ULBP2: variants seen among roughly 807,000 people sequenced by gnomAD.
ULBP2 encodes UL16-binding protein 2.
Under a neutral mutation model 23.6 loss-of-function variants are expected in ULBP2, and 21 were observed. The observed-to-expected ratio is 0.89, with a 90% CI of 0.63 to 1.28. The LOEUF is 1.28. Among genes scored for constraint, ULBP2 ranks in the 50% most tolerant of loss-of-function variants. The probability of loss-of-function intolerance (pLI) is 0.00; values close to 1 mark genes in which losing one functional copy is unlikely to be tolerated. For synonymous variants in ULBP2, 82 were observed against 112.8 expected (o/e 0.73, Z 1.73); for missense variants, 251 against 306.0 (o/e 0.82, Z 1.34).
chr6:149,946,351 A>G (rs1323849445), intron 2 of ULBP2, 21 bp from the exon 3 acceptor site: 3 of 1,604,506 alleles, frequency 1.9e-6, no homozygotes, highest in Non-Finnish European at 2.6e-6. Context: ...ATCAGAGCTG[A>G]TCTCTCTCTG....
chr6:149,942,900 G>A (rs1778884918), intron 1 of ULBP2, among the ~76,000 whole-genome samples: 1 of 152,140 alleles, frequency 6.6e-6, no homozygotes. Flanking sequence ...TGTGCAGGGG[G>A]GATGGGAAGC....
chr6:149,948,210 GT>G (rs1456905962), intron 4 of ULBP2, among the ~76,000 whole-genome samples: 2 of 152,094 alleles, frequency 1.3e-5, no homozygotes, highest in Non-Finnish European at 2.9e-5. Flanking sequence ...TGCTGCTGGG[GT>G]TCCACAGGCA....
intron 1 of ULBP2, among the ~76,000 whole-genome samples, chr6:149,942,429 G>A (rs1262477743): frequency 1.3e-5 from 2 of 152,240 alleles, no homozygotes; most frequent in East Asian, 3.9e-4. Context: ...GGTGGGGCGG[G>A]GATCCCTGGT....
chr6:149,943,588 C>T (rs1317793626), intron 1 of ULBP2, among the ~76,000 whole-genome samples: 1 of 152,188 alleles, frequency 6.6e-6, no homozygotes, highest in African/African-American at 2.4e-5. Context: ...GGCCTAACTT[C>T]CTAATGACCT....
At position 149,947,092 on chromosome 6, in the gene ULBP2, G is replaced by A. The variant is rs548682166; in HGVS notation, c.632-228G>A. ...CTCTTCCCCCACAGCAGGAGGGTGG[G>A]GTGTGTTGTCACCTTGCTTCCCTCA... On this transcript the variant is annotated intron_variant, in intron 3 of 4. Coordinates refer to ENST00000367351, the MANE Select transcript of ULBP2 (RefSeq NM_025217.4). 9.2e-3 allele frequency among the ~76,000 whole-genome samples: 1,404 copies of A among 152,016 alleles called. 11 individuals are homozygous for A. Among genetic ancestry groups the A allele is most frequent in the Non-Finnish European group, 0.015 (986 of 67,992 alleles).
intron 1 of ULBP2, among the ~76,000 whole-genome samples, chr6:149,943,769 G>A (rs1262533355): frequency 5.3e-5 from 8 of 151,980 alleles, no homozygotes; most frequent in Non-Finnish European, 1.2e-4. Context: ...TTAATGTTGC[G>A]ATTTCCTTGC....
In ULBP2 at chr6:149,945,438, C is replaced by T. The variant is rs779108037; in HGVS notation, c.215C>T (p.Thr72Ile). Reference protein sequence around the residue: ...LHYDCGNKTVTPVSPLGKKLN... With the variant: ...LHYDCGNKTVIPVSPLGKKLN... ...TATGACTGTGGCAACAAGACAGTCA[C>T]ACCTGTCAGTCCCCTGGGGAAGAAA... Residue 72 changes from threonine (T) to isoleucine (I), a missense_variant, in exon 2 of 5, where the codon ACA (threonine) becomes ATA (isoleucine). Transcript: ENST00000367351. The T allele has an allele frequency of 1.9e-6, 3 of 1,613,976 alleles. No homozygotes were observed. Among genetic ancestry groups the T allele is most frequent in the South Asian group, 1.1e-5 (1 of 91,080 alleles).
At chr6:149,947,924 G>A (rs1409812615) in intron 4 of ULBP2, among the ~76,000 whole-genome samples, 8 of 152,242 alleles carry the variant, frequency 5.3e-5, no homozygotes, top group Non-Finnish European at 8.8e-5. Flanking sequence ...GGAGGAGGGG[G>A]CTGGGAGAAC....
intron 3 of ULBP2, 113 bp downstream of exon 3, chr6:149,946,766 T>A (rs1396123334): frequency 2.6e-6 from 4 of 1,541,798 alleles, no homozygotes; most frequent in Non-Finnish European, 3.5e-6. Context: ...CACGTTAAAA[T>A]GACCTCCTCG....
At chr6:149,945,940 C>CAAACAAAA (rs1778932471) in intron 2 of ULBP2, among the ~76,000 whole-genome samples, 1 of 72,732 alleles carries the variant, frequency 1.4e-5, no homozygotes, top group African/African-American at 6.0e-5. Context: ...GACTTTGTCT[C>CAAACAAAA]AAAAAAAAAA....
At chr6:149,946,248 C>T in intron 2 of ULBP2, 124 bp from the exon 3 acceptor site, 1 of 1,291,024 alleles carries the variant, frequency 7.7e-7, no homozygotes, top group Middle Eastern at 1.9e-4. Context: ...CATCATACCC[C>T]TCAAGAGTCT....
chr6:149,942,829 C>A (rs1778883598), intron 1 of ULBP2, among the ~76,000 whole-genome samples: 1 of 152,130 alleles, frequency 6.6e-6, no homozygotes, highest in African/African-American at 2.4e-5. Context: ...CCACGTCGCA[C>A]CTTCTGCCTC....
chr6:149,948,312 A>G (rs1778974127), intron 4 of ULBP2, among the ~76,000 whole-genome samples: 1 of 152,202 alleles, frequency 6.6e-6, no homozygotes, highest in African/African-American at 2.4e-5. Flanking sequence ...GAGAGGCTCA[A>G]GAAGAAGGGG....
intron 1 of ULBP2, among the ~76,000 whole-genome samples, chr6:149,943,982 A>G (rs1029502060): frequency 3.3e-5 from 5 of 151,954 alleles, no homozygotes; most frequent in Non-Finnish European, 5.9e-5. Flanking sequence ...AGTAGTTACA[A>G]TGGAGAATAT....
chr6:149,947,196 A>G, intron 3 of ULBP2, 124 bp from the exon 4 acceptor site: 1 of 1,572,710 alleles, frequency 6.4e-7, no homozygotes, highest in South Asian at 1.1e-5. Flanking sequence ...TGGCTGCCCC[A>G]CACCAGGGGG....
At chr6:149,948,151 G>C (rs78894633) in intron 4 of ULBP2, among the ~76,000 whole-genome samples, 4 of 152,176 alleles carry the variant, frequency 2.6e-5, no homozygotes, top group African/African-American at 9.7e-5. Flanking sequence ...TGAGCCCACT[G>C]ATGGCCCTGC....
At chr6:149,946,809 T>C (rs1464598467) in intron 3 of ULBP2, 156 bp downstream of exon 3, 10 of 1,275,588 alleles carry the variant, frequency 7.8e-6, no homozygotes, top group African/African-American at 3.0e-5. Flanking sequence ...CTGGCATGCC[T>C]GTGCTCTCCC....
At chr6:149,942,546 C>G (rs1299822602) in intron 1 of ULBP2, among the ~76,000 whole-genome samples, 2 of 152,150 alleles carry the variant, frequency 1.3e-5, no homozygotes, top group African/African-American at 4.8e-5. Context: ...GACGCGATCA[C>G]AGACACCCCC....
intron 1 of ULBP2, among the ~76,000 whole-genome samples, chr6:149,942,473 A>G (rs2114680244): frequency 6.6e-6 from 1 of 152,238 alleles, no homozygotes. Context: ...CTCGGGAAGG[A>G]AAAACCAGAG....
Sources: allele counts gnomAD v4.1 joint callset (sites outside exome capture counted in the v4.1 genomes callset), GRCh38; gene constraint gnomAD v4.1.1; transcripts MANE v1.5; gene names NCBI Gene and HGNC (gene_info 2026-07-23, HGNC 2026-07-21).